MEP1A: variants seen among roughly 807,000 people sequenced by gnomAD.
MEP1A encodes the protein N-benzoyl-L-tyrosyl-P-amino-benzoic acid hydrolase subunit alpha.
A neutral mutation model predicts 84.5 loss-of-function variants in MEP1A; 68 were observed. The ratio of observed to expected loss-of-function variants is 0.80; its 90% CI spans 0.66 to 0.98. The LOEUF (loss-of-function observed/expected upper bound fraction) is 0.98, where lower values mean the gene tolerates loss of function less well. Ranked by LOEUF, MEP1A falls within the 50% of genes least tolerant of loss-of-function variation. MEP1A has a pLI of 0.00. For missense variants in MEP1A, 887 were observed against 919.9 expected, an observed-to-expected ratio of 0.96 and a Z score of 0.46; for synonymous variants, 337 against 336.8, an observed-to-expected ratio of 1.00 and a Z score of -0.01.
At chr6:46,820,185 A>T (rs1767734256) in intron 7 of MEP1A, among the ~76,000 whole-genome samples, 1 of 152,208 alleles carries the variant, frequency 6.6e-6, no homozygotes, top group South Asian at 2.1e-4. Context: ...AAACAAAAAT[A>T]AATGCTTTTA....
intron 7 of MEP1A, among the ~76,000 whole-genome samples, 168 bp downstream of exon 7, chr6:46,819,872 G>A (rs1379956579): frequency 2.0e-5 from 3 of 152,270 alleles, no homozygotes; most frequent in African/African-American, 4.8e-5. Flanking sequence ...TGGTCTGACC[G>A]GAATTCATCG....
rs200393800 is a variant in MEP1A, at chr6:46,833,421, G to A, written c.1492G>A (p.Glu498Lys). The A allele has an allele frequency of 4.3e-6, 7 of 1,614,158 alleles. No homozygotes were observed. In the East Asian group the frequency reaches 1.6e-4, roughly 36 times the overall value. ...VCSGENDAIL[E>K]WPVENRQVII... ...CAGTGGGGAGAACGATGCTATCCTGGAGTGGCCGGTAGAAAACAGACAGGT... is the reference window on the plus strand; with the variant it reads ...CAGTGGGGAGAACGATGCTATCCTGAAGTGGCCGGTAGAAAACAGACAGGT... The change falls in exon 11 of 14, where the codon GAG becomes AAG. Residue 498 changes from glutamate (E) to lysine (K), a missense_variant. Coordinates refer to ENST00000230588, the MANE Select transcript of MEP1A (RefSeq NM_005588.3).
At position 46,825,405 on chromosome 6, in the gene MEP1A, C is replaced by T. The variant is rs200557738; in HGVS notation, c.690C>T (p.Ala230=). The change falls in exon 8 of 14, where the codon GCC becomes GCT. Residue 230 remains alanine (A), a synonymous_variant. Transcript: ENST00000230588. ...ATGCAAGTGTTCCCACCATCACAGCCAAGATCCCTGAGTTTAACTCCATTA... is the reference window on the plus strand; with the variant it reads ...ATGCAAGTGTTCCCACCATCACAGCTAAGATCCCTGAGTTTAACTCCATTA... ...NKNASVPTIT[A]KIPEFNSIIG... The T allele has an allele frequency of 3.2e-5, 52 of 1,613,796 alleles. No homozygotes were observed. In the Admixed American group the frequency reaches 5.7e-4, roughly 18 times the overall value.
At chr6:46,817,915 A>C (rs1469752800) in intron 6 of MEP1A, among the ~76,000 whole-genome samples, 1 of 152,232 alleles carries the variant, frequency 6.6e-6, no homozygotes, top group Non-Finnish European at 1.5e-5. Flanking sequence ...AGTGCCCCTA[A>C]GCCCTTCAGG....
intron 9 of MEP1A, 44 bp from the exon 10 acceptor site, chr6:46,829,312 G>A (rs768005532): frequency 3.9e-6 from 6 of 1,537,734 alleles, no homozygotes; most frequent in South Asian, 2.2e-5. Flanking sequence ...GAACCCTGGG[G>A]TGTGGGAAGC....
chr6:46,807,811 G>T (rs979431816), intron 5 of MEP1A, among the ~76,000 whole-genome samples: 22 of 149,000 alleles, frequency 1.5e-4, no homozygotes, highest in Admixed American at 5.4e-4. Context: ...AAGAAAGAAA[G>T]AAAGAAAGAA....
At chr6:46,816,806 G>A (rs1330143866) in intron 6 of MEP1A, among the ~76,000 whole-genome samples, 1 of 152,162 alleles carries the variant, frequency 6.6e-6, no homozygotes, top group Non-Finnish European at 1.5e-5. Flanking sequence ...GCCTGTGACT[G>A]TAGGCTTTTC....
In MEP1A at chr6:46,838,964, T is replaced by G; in HGVS notation, c.2085-16T>G. 1 of 1,607,352 alleles carries G rather than the reference T, an allele frequency of 6.2e-7. No homozygotes were observed. Among genetic ancestry groups the G allele is most frequent in the Non-Finnish European group, 8.5e-7 (1 of 1,175,194 alleles). On this transcript the variant is annotated splice_polypyrimidine_tract_variant and intron_variant, in intron 13 of 13. Coordinates refer to ENST00000230588, the MANE Select transcript of MEP1A (RefSeq NM_005588.3). ...CTGGGTAGTTCCCACACTCCCTTCA[T>G]GTCCTTTTCCCTCAGGTGCATCTCT...
At chr6:46,820,985 A>G (rs1016718931) in intron 7 of MEP1A, among the ~76,000 whole-genome samples, 1 of 152,196 alleles carries the variant, frequency 6.6e-6, no homozygotes, top group Non-Finnish European at 1.5e-5. Flanking sequence ...CCAATTTTAT[A>G]TGCGGATTCA....
chr6:46,797,802 CTTTCTTTCTT>C (rs1212565596), intron 3 of MEP1A, among the ~76,000 whole-genome samples: 1 of 33,246 alleles, frequency 3.0e-5, no homozygotes, highest in East Asian at 6.2e-4. Context: ...CTCTTTCTTT[CTTTCTTTCTT>C]TCTTTCTTTC....
intron 10 of MEP1A, among the ~76,000 whole-genome samples, chr6:46,832,065 G>A (rs1184844171): frequency 4.6e-5 from 7 of 152,104 alleles, no homozygotes; most frequent in Admixed American, 2.6e-4. Context: ...GGAGATTAAA[G>A]GTCTTTTCCT....
chr6:46,799,840 C>T (rs953527932), intron 5 of MEP1A, among the ~76,000 whole-genome samples: 1 of 152,158 alleles, frequency 6.6e-6, no homozygotes, highest in African/African-American at 2.4e-5. Context: ...AGTTGACTGA[C>T]AGCTGAGCAG....
downstream of MEP1A, among the ~76,000 whole-genome samples, chr6:46,844,019 G>A (rs1768376513): frequency 6.6e-6 from 1 of 152,012 alleles, no homozygotes; most frequent in Admixed American, 6.6e-5. Context: ...TTTTTACTTG[G>A]TTTTCTTTAT....
chr6:46,797,496 G>A (rs903988461), intron 3 of MEP1A, among the ~76,000 whole-genome samples: 2 of 152,220 alleles, frequency 1.3e-5, no homozygotes, highest in African/African-American at 4.8e-5. Flanking sequence ...TGGAGATACG[G>A]TTTAGAATGG....
intron 6 of MEP1A, among the ~76,000 whole-genome samples, chr6:46,811,313 T>C (rs942482963): frequency 6.6e-6 from 1 of 152,130 alleles, no homozygotes; most frequent in Non-Finnish European, 1.5e-5. Flanking sequence ...TTTGTGTAAA[T>C]TAATTTTGTA....
chr6:46,841,767 A>G (rs1466182175), downstream of MEP1A, among the ~76,000 whole-genome samples: 1 of 152,190 alleles, frequency 6.6e-6, no homozygotes, highest in African/African-American at 2.4e-5. Context: ...TCTTTCAGTA[A>G]TATCTGGAGC....
Position 46,826,503 on chromosome 6 carries a change from G to C in MEP1A, c.928G>C (p.Gly310Arg). ...TCACACCTTGTTGGGACAATGCACA[G>C]GTCAGTGAAAGTGGAAAGCAAACAC... Reference protein sequence around the residue: ...VDHTLLGQCTGAGYFMQFSTS... With the variant: ...VDHTLLGQCTRAGYFMQFSTS... The change falls in exon 9 of 14, where the codon GGT (glycine) becomes CGT (arginine). Residue 310 changes from glycine (G) to arginine (R), a missense_variant and splice_region_variant. Gly to Arg is a moderately radical substitution (Grantham distance 125). Coordinates refer to ENST00000230588, the MANE Select transcript of MEP1A (RefSeq NM_005588.3). 1 of 1,539,930 alleles carries C rather than the reference G, an allele frequency of 6.5e-7. No individual in the cohort carries two copies. The highest frequency in any genetic ancestry group is 8.8e-7 in the Non-Finnish European group (1 of 1,140,384).
chr6:46,831,552 C>T (rs1404117328), intron 10 of MEP1A, among the ~76,000 whole-genome samples: 1 of 152,158 alleles, frequency 6.6e-6, no homozygotes, highest in Non-Finnish European at 1.5e-5. Flanking sequence ...TAAACGAAAC[C>T]ATCTTAATAA....
At chr6:46,840,147 T>C (rs1189872654), downstream of MEP1A, among the ~76,000 whole-genome samples, 2 of 152,050 alleles carry the variant, frequency 1.3e-5, no homozygotes, top group East Asian at 3.9e-4. Context: ...AGTCATAAGG[T>C]TTCCTAAGTA....
Sources: gnomAD v4.1 joint callset for allele counts (sites outside exome capture counted in the v4.1 genomes callset) on GRCh38, gnomAD v4.1.1 for gene constraint, MANE v1.5 for transcripts, NCBI Gene and HGNC (gene_info 2026-07-23, HGNC 2026-07-21) for gene names.